The following SDK1 variants were observed in gnomAD, a reference collection of about 807,000 sequenced individuals.
SDK1 encodes the protein protein sidekick-1.
Under a neutral mutation model 245.5 loss-of-function variants are expected in SDK1, and 157 were observed. The observed-to-expected ratio is 0.64, with a 90% CI of 0.56 to 0.73. SDK1 has a LOEUF of 0.73. SDK1 is among the 30% of genes least tolerant of loss of function. The probability of loss-of-function intolerance (pLI) is 0.00; values close to 1 mark genes in which losing one functional copy is unlikely to be tolerated. For missense variants in SDK1, 3,583 were observed against 3,002.3 expected, an observed-to-expected ratio of 1.19 and a Z score of -4.52; for synonymous variants, 1,647 against 1,278.5, an observed-to-expected ratio of 1.29 and a Z score of -6.15.
intron 1 of SDK1, among the ~76,000 whole-genome samples, chr7:3,376,743 T>C (rs140240282): frequency 7.2e-4 from 110 of 152,320 alleles, no homozygotes; most frequent in African/African-American, 2.5e-3. Context: ...GATTCAGCTA[T>C]TGTGTAAATT....
intron 1 of SDK1, among the ~76,000 whole-genome samples, chr7:3,323,517 C>T (rs1169074600): frequency 4.6e-5 from 7 of 152,130 alleles, no homozygotes; most frequent in South Asian, 4.1e-4. Context: ...GTTCCTGTGG[C>T]TGTAGGACTG....
chr7:3,828,136 G>C (rs1446630141), intron 5 of SDK1, among the ~76,000 whole-genome samples: 1 of 151,932 alleles, frequency 6.6e-6, no homozygotes, highest in East Asian at 1.9e-4. Flanking sequence ...ATTATAACTG[G>C]GTGTGCTGGT....
chr7:4,162,781 C>T (rs998734107), intron 32 of SDK1, among the ~76,000 whole-genome samples: 27 of 152,200 alleles, frequency 1.8e-4, no homozygotes, highest in Non-Finnish European at 3.8e-4. Context: ...CCTTGTTGGG[C>T]CTGCTCAGCA....
chr7:3,524,388 G>A (rs1783048702), intron 1 of SDK1, among the ~76,000 whole-genome samples: 1 of 152,088 alleles, frequency 6.6e-6, no homozygotes, highest in African/African-American at 2.4e-5. Flanking sequence ...ATCAATTAGG[G>A]GGCTGTTTAA....
Position 4,132,389 on chromosome 7 carries a change from G to T in SDK1, c.4194G>T (p.Trp1398Cys). ...GACTCACCTCCGTGCGGATAGTGTG[G>T]CAACCTCCGGAGGAGCCCAACGGCA... Reference protein sequence around the residue: ...EVRLTSVRIVWQPPEEPNGII... With the variant: ...EVRLTSVRIVCQPPEEPNGII... The change falls in exon 28 of 45, where the codon TGG becomes TGT. Residue 1398 changes from tryptophan to cysteine, a missense_variant. Transcript: ENST00000404826. The T allele has an allele frequency of 1.9e-6, 3 of 1,612,788 alleles. No individual in the cohort carries two copies. Among genetic ancestry groups the T allele is most frequent in the Non-Finnish European group, 2.5e-6 (3 of 1,179,380 alleles).
At chr7:3,575,452 C>T (rs1780254902) in intron 1 of SDK1, among the ~76,000 whole-genome samples, 1 of 151,906 alleles carries the variant, frequency 6.6e-6, no homozygotes, top group Non-Finnish European at 1.5e-5. Context: ...GGGACACAAA[C>T]ATCAGTCCCT....
intron 2 of SDK1, among the ~76,000 whole-genome samples, chr7:3,622,511 C>T (rs894079024): frequency 2.0e-5 from 3 of 152,096 alleles, no homozygotes; most frequent in African/African-American, 7.2e-5. Context: ...AATGGTGTAA[C>T]GGCTTTATTT....
At chr7:4,066,737 A>G (rs768437548) in intron 19 of SDK1, among the ~76,000 whole-genome samples, 8 of 152,058 alleles carry the variant, frequency 5.3e-5, no homozygotes, top group Non-Finnish European at 1.2e-4. Context: ...GGTGCAAGAG[A>G]TGTGGGTCAG....
At position 4,161,845 on chromosome 7, in the gene SDK1, A is replaced by T. The variant is rs760213845; in HGVS notation, c.4789A>T (p.Ile1597Leu). 2.5e-6 allele frequency: 4 copies of T among 1,613,946 alleles called. No individual in the cohort carries two copies. The South Asian group carries it at 3.3e-5, about 13-fold the overall frequency. Residue 1597 changes from isoleucine to leucine, a missense_variant, in exon 32 of 45, where the codon ATA (isoleucine) becomes TTA (leucine). Coordinates refer to ENST00000404826, the MANE Select transcript of SDK1 (RefSeq NM_152744.4). Reference protein sequence around the residue: ...ATPHTTSSVLIQWQPPRDESL... With the variant: ...ATPHTTSSVLLQWQPPRDESL... ...GCCACACACCACGTCCTCTGTCCTG[A>T]TACAGTGGCAGGTAAGAGCGCGGGG...
chr7:3,999,668 G>A (rs906271112), intron 14 of SDK1, among the ~76,000 whole-genome samples: 3 of 152,234 alleles, frequency 2.0e-5, no homozygotes, highest in African/African-American at 7.2e-5. Flanking sequence ...AAGAGCAGAA[G>A]GATCTTTGAG....
chr7:3,427,994 G>C (rs1779723970), intron 1 of SDK1, among the ~76,000 whole-genome samples: 1 of 152,182 alleles, frequency 6.6e-6, no homozygotes, highest in African/African-American at 2.4e-5. Flanking sequence ...GAGTTTACCA[G>C]TGTTTCAGTG....
chr7:3,978,831 C>A (rs893688956), intron 13 of SDK1, among the ~76,000 whole-genome samples: 1 of 152,174 alleles, frequency 6.6e-6, no homozygotes, highest in Non-Finnish European at 1.5e-5. Flanking sequence ...TTCAGAGGAG[C>A]CTGAAAGCCT....
At chr7:3,977,688 G>T (rs1234128500) in intron 13 of SDK1, among the ~76,000 whole-genome samples, 1 of 152,260 alleles carries the variant, frequency 6.6e-6, no homozygotes, top group Non-Finnish European at 1.5e-5. Flanking sequence ...GCGCGCAGCT[G>T]ATCCTCCTGG....
chr7:4,141,823 C>G (rs1052510468), intron 28 of SDK1, among the ~76,000 whole-genome samples: 2 of 152,160 alleles, frequency 1.3e-5, no homozygotes, highest in Admixed American at 1.3e-4. Flanking sequence ...GTGGCGTGAT[C>G]TTGGCTCACT....
intron 1 of SDK1, among the ~76,000 whole-genome samples, chr7:3,484,287 ACACATTTTT>A (rs1198474141): frequency 6.6e-6 from 1 of 152,140 alleles, no homozygotes; most frequent in Non-Finnish European, 1.5e-5. Flanking sequence ...CCATGTATAC[ACACATTTTT>A]TTTCAACCAA....
chr7:3,790,852 T>C lies in SDK1; in HGVS notation c.714-30598T>C, dbSNP rs545251572. Among the ~76,000 whole-genome samples, 148 of 152,048 alleles carry C rather than the reference T, an allele frequency of 9.7e-4. 1 individual carries two copies. The highest frequency in any genetic ancestry group is 1.8e-3 in the Non-Finnish European group (124 of 67,984). On this transcript the variant is annotated intron_variant, in intron 4 of 44. Transcript: ENST00000404826. ...AGTGGTTGCTTTTGGGCTGTGGAACTTGGGGCTAGGGAGGTTGGGACAGGG... is the reference window on the plus strand; with the variant it reads ...AGTGGTTGCTTTTGGGCTGTGGAACCTGGGGCTAGGGAGGTTGGGACAGGG...
intron 1 of SDK1, among the ~76,000 whole-genome samples, chr7:3,455,295 C>G (rs1015538899): frequency 6.6e-6 from 1 of 151,424 alleles, no homozygotes; most frequent in African/African-American, 2.4e-5. Context: ...TTTGATAGAT[C>G]TAATCAATTT....
chr7:3,919,424 C>G (rs897600592), intron 5 of SDK1, among the ~76,000 whole-genome samples: 3 of 152,196 alleles, frequency 2.0e-5, no homozygotes, highest in Admixed American at 6.5e-5. Context: ...AGTTGTGTGT[C>G]CTGCCCTACA....
At chr7:3,364,971 C>T (rs1455315595) in intron 1 of SDK1, among the ~76,000 whole-genome samples, 2 of 152,122 alleles carry the variant, frequency 1.3e-5, no homozygotes, top group Non-Finnish European at 2.9e-5. Context: ...GTATATGAGT[C>T]CTGTACATGT....
Sources: gnomAD v4.1 joint callset for allele counts (sites outside exome capture counted in the v4.1 genomes callset) on GRCh38, gnomAD v4.1.1 for gene constraint, MANE v1.5 for transcripts, NCBI Gene and HGNC (gene_info 2026-07-23, HGNC 2026-07-21) for gene names.